Variants in GNL3L observed in about 807,000 individuals in gnomAD.
GNL3L encodes guanine nucleotide-binding protein-like 3-like protein.
GNL3L carries 4 observed loss-of-function variants against 42.9 expected under a neutral mutation model. That is an observed-to-expected ratio of 0.09 (90% confidence interval 0.05 to 0.21). GNL3L has a LOEUF of 0.21. Ranked by LOEUF, GNL3L falls within the 10% of genes least tolerant of loss-of-function variation. The pLI, the probability that GNL3L is intolerant of heterozygous loss-of-function variation, is 1.00. For missense variants in GNL3L, 412 were observed against 481.7 expected, an observed-to-expected ratio of 0.86 and a Z score of 1.36; for synonymous variants, 159 against 176.3, an observed-to-expected ratio of 0.90 and a Z score of 0.78.
chrX:54,541,287 G>A lies in GNL3L; in HGVS notation c.204G>A (p.Arg68=), dbSNP rs1385505853. 4 of 1,201,329 alleles carry A rather than the reference G, an allele frequency of 3.3e-6. No individual in the cohort carries two copies. The highest frequency in any genetic ancestry group is 1.8e-5 in the African/African-American group (1 of 56,843). ...TCACTTGTTAGGTTGAGGAGATGAG[G>A]GAGAAGCAGCAAGCCGCCCGGGAGC... ...ELKKKWVEEM[R]EKQQAAREQE... is the part of the protein sequence containing the mutation. The change falls in exon 5 of 16, where the codon AGG becomes AGA. Residue 68 remains arginine (R), a synonymous_variant. Transcript: ENST00000360845.
At chrX:54,591,292 TA>T (rs1224461146) in intron 16 of GNL3L, among the ~76,000 whole-genome samples, 1 of 110,880 alleles carries the variant, frequency 9.0e-6, no homozygotes, top group Non-Finnish European at 1.9e-5. Context: ...GGCACCTTTG[TA>T]AAAAATGAGT....
At chrX:54,536,684 C>T (rs1284706433) in intron 2 of GNL3L, among the ~76,000 whole-genome samples, 1 of 107,582 alleles carries the variant, frequency 9.3e-6, no homozygotes, top group East Asian at 3.0e-4. Flanking sequence ...ACTCCAGAGG[C>T]TGAGGCAGGA....
intron 16 of GNL3L, among the ~76,000 whole-genome samples, chrX:54,619,156 A>G (rs1168768432): frequency 1.8e-5 from 2 of 111,156 alleles, no homozygotes; most frequent in Non-Finnish European, 1.9e-5. Context: ...CTACAGAAAT[A>G]CACAAGTATA....
At chrX:54,593,734 T>C (rs1450668094) in intron 16 of GNL3L, among the ~76,000 whole-genome samples, 2 of 111,410 alleles carry the variant, frequency 1.8e-5, no homozygotes, top group Non-Finnish European at 3.8e-5. Context: ...TAAGCACTTA[T>C]AGCTATAAAC....
intron 16 of GNL3L, among the ~76,000 whole-genome samples, chrX:54,580,153 C>T (rs1344728547): frequency 1.7e-4 from 11 of 64,818 alleles, no homozygotes; most frequent in Admixed American, 6.5e-4. Context: ...CCCCCCTCCC[C>T]CCACCCTACA....
chrX:54,575,002 CTT>C (rs1226100047), intron 16 of GNL3L, among the ~76,000 whole-genome samples: 1 of 111,797 alleles, frequency 8.9e-6, no homozygotes. Context: ...TGTTGTCTGT[CTT>C]TGTTTCTTGG....
At chrX:54,572,278 T>C (rs375521065), downstream of GNL3L, among the ~76,000 whole-genome samples, 11 of 108,893 alleles carry the variant, frequency 1.0e-4, no homozygotes, top group East Asian at 1.4e-3. Flanking sequence ...TCCATTTAAC[T>C]CTGAGTGGAC....
At chrX:54,545,447 C>T (rs1924744992) in intron 8 of GNL3L, among the ~76,000 whole-genome samples, 1 of 110,790 alleles carries the variant, frequency 9.0e-6, no homozygotes, top group African/African-American at 3.3e-5. Flanking sequence ...CTCAGGTGAT[C>T]TACCAGCCTT....
chrX:54,563,939 C>T lies in GNL3L; in HGVS notation c.*3337C>T, dbSNP rs922090685. Among the ~76,000 whole-genome samples, 2 of 111,339 alleles carry T rather than the reference C, an allele frequency of 1.8e-5. No homozygotes were observed. Among genetic ancestry groups the T allele is most frequent in the Non-Finnish European group, 3.8e-5 (2 of 53,079 alleles). On this transcript the variant is annotated 3_prime_UTR_variant, in exon 16 of 16. Transcript: ENST00000360845. ...GGTACAATTTACATATAGTAAAGTT[C>T]ACTCTTTATAGTTTTAGTTATGTGA...
At chrX:54,541,128 A>G (rs1924599155) in intron 4 of GNL3L, 145 bp from the exon 5 acceptor site, 1 of 437,559 alleles carries the variant, frequency 2.3e-6, no homozygotes, top group Admixed American at 4.2e-5. Flanking sequence ...TCAAACCCTC[A>G]TCTCCTGATG....
At chrX:54,590,230 G>A (rs899625910) in intron 16 of GNL3L, among the ~76,000 whole-genome samples, 8 of 111,980 alleles carry the variant, frequency 7.1e-5, no homozygotes, top group Admixed American at 4.7e-4. Context: ...GAGCCACCGC[G>A]CCTAGCCCAC....
At position 54,543,712 on chromosome X, in the gene GNL3L, T is replaced by G. The variant is rs187934506; in HGVS notation, c.526+370T>G. ...TGATTCTTTTCTCTGAGACACTGGATAAGTCATGCCACCTCCAAGAGCTCC... is the reference window on the plus strand; with the variant it reads ...TGATTCTTTTCTCTGAGACACTGGAGAAGTCATGCCACCTCCAAGAGCTCC... On this transcript the variant is annotated intron_variant, in intron 7 of 15. Coordinates refer to ENST00000360845, the MANE Select transcript of GNL3L (RefSeq NM_001184819.2). Among the ~76,000 whole-genome samples, 5 of 111,778 alleles carry G rather than the reference T, an allele frequency of 4.5e-5. No individual in the cohort carries two copies. In the Admixed American group the frequency reaches 4.8e-4, roughly 11 times the overall value.
chrX:54,537,592 A>G (rs962286031), intron 2 of GNL3L, among the ~76,000 whole-genome samples: 2 of 110,426 alleles, frequency 1.8e-5, no homozygotes, highest in Non-Finnish European at 3.8e-5. Flanking sequence ...TTTGGTTGTT[A>G]GTGATGTCTT....
intron 14 of GNL3L, among the ~76,000 whole-genome samples, chrX:54,556,292 A>C (rs191047860): frequency 4.4e-4 from 49 of 111,006 alleles, no homozygotes; most frequent in African/African-American, 1.5e-3. Flanking sequence ...CTTCTTCACA[A>C]GGTGGCAGGA....
chrX:54,575,271 T>G (rs1474231464), intron 16 of GNL3L, among the ~76,000 whole-genome samples: 1 of 112,734 alleles, frequency 8.9e-6, no homozygotes, highest in African/African-American at 3.2e-5. Context: ...TTCAGCTCAA[T>G]ATATTTTAAA....
rs1278652545 is a variant in GNL3L at position 54,542,993 on chromosome X, G to A, written c.345G>A (p.Leu115=). The change falls in exon 6 of 16, where the codon CTG becomes CTA. Residue 115 remains leucine, a synonymous_variant. Coordinates refer to ENST00000360845, the MANE Select transcript of GNL3L (RefSeq NM_001184819.2). ...VLQELNMFPQ[L]DDEATRKAYY... ...AGGAATTAAATATGTTTCCTCAGCT[G>A]GATGACGAGGCCACGAGGAAGGCTT... 2 of 1,191,158 alleles carry A rather than the reference G, an allele frequency of 1.7e-6. No homozygotes were observed. Among genetic ancestry groups the A allele is most frequent in the Non-Finnish European group, 2.3e-6 (2 of 878,805 alleles).
chrX:54,617,297 T>C (rs1926231205), intron 16 of GNL3L, among the ~76,000 whole-genome samples: 1 of 111,975 alleles, frequency 8.9e-6, no homozygotes, highest in Non-Finnish European at 1.9e-5. Flanking sequence ...CCATAAGCCT[T>C]CTCCTTCACA....
rs1925278244 is a variant in GNL3L at position 54,561,767 on chromosome X, A to G, written c.*1165A>G. ...TGTATCCTCGAGAGAGCTGCTATAT[A>G]TGGGAGTGTACCAGCCAACTCCTTT... On this transcript the variant is annotated 3_prime_UTR_variant, in exon 16 of 16. Coordinates refer to ENST00000360845, the MANE Select transcript of GNL3L (RefSeq NM_001184819.2). Among the ~76,000 whole-genome samples the G allele has an allele frequency of 9.0e-6, 1 of 111,293 alleles. No individual in the cohort carries two copies. Among genetic ancestry groups the G allele is most frequent in the African/African-American group, 3.3e-5 (1 of 30,542 alleles).
chrX:54,637,890 G>A, the GNL3L span, among the ~76,000 whole-genome samples: 1 of 111,602 alleles, frequency 9.0e-6, no homozygotes, highest in African/African-American at 3.3e-5. Flanking sequence ...GATGTGTGTT[G>A]GGGTTTGAGA....
Sources: allele counts gnomAD v4.1 joint callset (sites outside exome capture counted in the v4.1 genomes callset), GRCh38; gene constraint gnomAD v4.1.1; transcripts MANE v1.5; gene names NCBI Gene and HGNC (gene_info 2026-07-23, HGNC 2026-07-21).